Variants in PDE10A observed in about 807,000 individuals in gnomAD.
PDE10A encodes cAMP and cAMP-inhibited cGMP 3',5'-cyclic phosphodiesterase 10A.
In PDE10A, 39 loss-of-function variants were observed where a neutral mutation model predicts 97.7. That is an observed-to-expected ratio of 0.40 (90% CI 0.31 to 0.52). The LOEUF is 0.52. PDE10A is among the 20% of genes least tolerant of loss of function. PDE10A has a pLI of 0.56. For synonymous variants in PDE10A, 371 were observed against 376.8 expected (o/e 0.98, Z 0.18); for missense variants, 731 against 1,047.8 (o/e 0.70, Z 4.17).
intron 3 of PDE10A, among the ~76,000 whole-genome samples, chr6:165,469,206 G>T (rs566806303): frequency 2.6e-5 from 4 of 152,262 alleles, no homozygotes; most frequent in South Asian, 2.1e-4. Flanking sequence ...AACGGTTCGC[G>T]TCTGTAATCT....
At chr6:165,600,523 G>A (rs887826459) in intron 1 of PDE10A, among the ~76,000 whole-genome samples, 5 of 152,208 alleles carry the variant, frequency 3.3e-5, no homozygotes, top group Non-Finnish European at 5.9e-5. Flanking sequence ...GTCCTTTCAC[G>A]TCCAGGGTAG....
At chr6:165,751,104 T>C (rs1428775119) in intron 1 of PDE10A, among the ~76,000 whole-genome samples, 1 of 152,072 alleles carries the variant, frequency 6.6e-6, no homozygotes, top group Non-Finnish European at 1.5e-5. Flanking sequence ...CCTCAGTGGG[T>C]GCCGTCTTCA....
intron 2 of PDE10A, among the ~76,000 whole-genome samples, chr6:165,491,226 C>T (rs1416905672): frequency 1.3e-5 from 2 of 152,088 alleles, no homozygotes; most frequent in East Asian, 3.9e-4. Context: ...AATATATATG[C>T]ACCTAACACT....
chr6:165,670,787 A>G (rs1562675407), intron 1 of PDE10A, among the ~76,000 whole-genome samples: 1 of 152,224 alleles, frequency 6.6e-6, no homozygotes, highest in South Asian at 2.1e-4. Context: ...AAAATATCCC[A>G]ACCTGTTAGC....
chr6:165,353,938 T>C (rs1782861839), intron 18 of PDE10A, among the ~76,000 whole-genome samples: 1 of 152,194 alleles, frequency 6.6e-6, no homozygotes, highest in African/African-American at 2.4e-5. Context: ...TGGTGCAGGA[T>C]ACCAACAGTG....
At chr6:165,684,541 G>T (rs1037962687) in intron 1 of PDE10A, among the ~76,000 whole-genome samples, 4 of 152,192 alleles carry the variant, frequency 2.6e-5, no homozygotes, top group Non-Finnish European at 5.9e-5. Context: ...GCATTTCATT[G>T]GATGCATGGG....
At chr6:165,466,821 G>A (rs1302772905) in intron 3 of PDE10A, among the ~76,000 whole-genome samples, 1 of 152,080 alleles carries the variant, frequency 6.6e-6, no homozygotes, top group Non-Finnish European at 1.5e-5. Context: ...AGAGTCACAT[G>A]TGTTTCACTT....
intron 1 of PDE10A, among the ~76,000 whole-genome samples, chr6:165,961,637 G>T (rs1056173609): frequency 2.6e-5 from 4 of 152,186 alleles, no homozygotes; most frequent in African/African-American, 9.6e-5. Context: ...ACAGTGACAG[G>T]TCACCTGCAG....
chr6:165,950,982 T>C (rs1783938447), intron 1 of PDE10A, among the ~76,000 whole-genome samples: 1 of 152,258 alleles, frequency 6.6e-6, no homozygotes, highest in South Asian at 2.1e-4. Flanking sequence ...TTTCCTACAT[T>C]GTTTGGAATG....
chr6:165,677,184 G>A lies in PDE10A; in HGVS notation c.-614-133616C>T, dbSNP rs115488443. On this transcript the variant is annotated intron_variant, in intron 1 of 19. Transcript: ENST00000366882. ...TCAGGAAAGCAGAGACCCTGTCCACGGTGTGGCTGGGCCTCATCCGATCAG... is the reference window on the plus strand; with the variant it reads ...TCAGGAAAGCAGAGACCCTGTCCACAGTGTGGCTGGGCCTCATCCGATCAG... Among the ~76,000 whole-genome samples the A allele has an allele frequency of 2.2e-3, 336 of 152,324 alleles. 2 individuals carry two copies. The highest frequency in any genetic ancestry group is 7.7e-3 in the African/African-American group (320 of 41,568).
At chr6:165,446,741 C>T (rs1416449207) in intron 5 of PDE10A, among the ~76,000 whole-genome samples, 2 of 152,104 alleles carry the variant, frequency 1.3e-5, no homozygotes, top group African/African-American at 2.4e-5. Flanking sequence ...AGCTCAGAGA[C>T]AGCTACAATT....
At chr6:165,836,453 T>C (rs1409935604) in intron 1 of PDE10A, among the ~76,000 whole-genome samples, 4 of 152,244 alleles carry the variant, frequency 2.6e-5, no homozygotes, top group African/African-American at 9.6e-5. Context: ...TATCTGCAGA[T>C]ACTCCAGCGG....
intron 1 of PDE10A, among the ~76,000 whole-genome samples, chr6:165,749,380 CCACCAT>C (rs1562717463): frequency 1.3e-4 from 3 of 23,482 alleles, no homozygotes; most frequent in Non-Finnish European, 2.0e-4. Flanking sequence ...ACCATCACCA[CCACCAT>C]CATCACCATT....
At chr6:165,813,649 A>C (rs1299281776) in intron 1 of PDE10A, among the ~76,000 whole-genome samples, 1 of 152,226 alleles carries the variant, frequency 6.6e-6, no homozygotes, top group Non-Finnish European at 1.5e-5. Context: ...TTCATAGCAC[A>C]ATAAACACAG....
intron 1 of PDE10A, among the ~76,000 whole-genome samples, chr6:165,622,085 T>C (rs1562637669): frequency 6.6e-6 from 1 of 152,104 alleles, no homozygotes; most frequent in Non-Finnish European, 1.5e-5. Context: ...AGGAAGAAAT[T>C]CTCCTCAAGA....
intron 1 of PDE10A, among the ~76,000 whole-genome samples, chr6:165,752,038 G>A (rs571773585): frequency 6.7e-6 from 1 of 149,064 alleles, no homozygotes; most frequent in South Asian, 2.1e-4. Context: ...AGCTACTCAG[G>A]AGGCTGAGGC....
At chr6:165,428,850 A>G in intron 9 of PDE10A, 141 bp from the exon 10 acceptor site, 4 of 181,244 alleles carry the variant, frequency 2.2e-5, no homozygotes, top group Non-Finnish European at 3.3e-5. Context: ...CTGCTTTGGC[A>G]AAAAAAAAAA....
Position 165,388,203 on chromosome 6 carries a change from G to T in PDE10A, c.2610+95C>A. On this transcript the variant is annotated intron_variant, in intron 17 of 21. Coordinates refer to ENST00000539869, the MANE Select transcript of PDE10A (RefSeq NM_001385079.1). The surrounding 1 kb of genome is among the most constrained non-coding windows in gnomAD (Gnocchi z 4.0). ...AATAAAAAGTAGCTGTTGCTTTTAA[G>T]GAAGCCATAATGATCTTCCTTTTCC... 1.8e-6 allele frequency: 2 copies of T among 1,083,936 alleles called. No individual in the cohort carries two copies. Among genetic ancestry groups the T allele is most frequent in the Non-Finnish European group, 2.7e-6 (2 of 736,486 alleles). The allele number at this position is 1,083,936 out of a possible 1,614,324, so 67.1% of individuals were successfully genotyped here. A position where few individuals can be genotyped will look rare whatever the true frequency, so the allele number is the denominator to read the frequency against.
intron 1 of PDE10A, among the ~76,000 whole-genome samples, chr6:165,546,168 A>T (rs1452245654): frequency 2.0e-5 from 3 of 152,086 alleles, no homozygotes; most frequent in Non-Finnish European, 4.4e-5. Flanking sequence ...TCTAAAAAGG[A>T]TACATATTAC....
Sources: gnomAD v4.1 joint callset for allele counts (sites outside exome capture counted in the v4.1 genomes callset) on GRCh38, gnomAD v4.1.1 for gene constraint, Gnocchi (gnomAD v3.1) non-coding constraint, MANE v1.5 for transcripts, NCBI Gene and HGNC (gene_info 2026-07-23, HGNC 2026-07-21) for gene names.